DYNLRB1: variants seen among roughly 807,000 people sequenced by gnomAD.
DYNLRB1 encodes dynein light chain roadblock-type 1.
A neutral mutation model predicts 13.5 loss-of-function variants in DYNLRB1; 6 were observed. That is an observed-to-expected ratio of 0.44 (90% CI 0.24 to 0.88). The LOEUF (loss-of-function observed/expected upper bound fraction) is 0.88, where lower values mean the gene tolerates loss of function less well. Among genes scored for constraint, DYNLRB1 ranks in the 40% least tolerant of loss-of-function variants. The pLI, the probability that DYNLRB1 is intolerant of heterozygous loss-of-function variation, is 0.21. For missense variants in DYNLRB1, 93 were observed against 127.2 expected (o/e 0.73, Z 1.29); for synonymous variants, 43 against 45.0 (o/e 0.96, Z 0.18).
At chr20:34,534,566 T>C (rs917307776) in intron 2 of DYNLRB1, 62 bp from the exon 3 acceptor site, 1 of 1,510,668 alleles carries the variant, frequency 6.6e-7, no homozygotes, top group African/African-American at 1.4e-5. Context: ...ATTAGGGGTG[T>C]GGGTGGGAGC....
intron 2 of DYNLRB1, among the ~76,000 whole-genome samples, 156 bp from the exon 3 acceptor site, chr20:34,534,472 G>A (rs1368999580): frequency 1.3e-5 from 2 of 152,068 alleles, no homozygotes; most frequent in Non-Finnish European, 2.9e-5. Context: ...GGCATGCTTC[G>A]GGTGCTCAGC....
upstream of DYNLRB1, chr20:34,516,308 C>T: frequency 1.6e-6 from 2 of 1,266,150 alleles, no homozygotes; most frequent in South Asian, 1.6e-5. Flanking sequence ...AGAATCCTGG[C>T]GGAGCCAAGA....
Position 34,540,642 on chromosome 20 carries a change from C to G in DYNLRB1, c.*18C>G. ...CCGAATAAGCCACTCTCTTGGCTCC[C>G]TGTGTCATTCCTTAATTTAATGCCC... On this transcript the variant is annotated 3_prime_UTR_variant, in exon 4 of 4. Coordinates refer to ENST00000357156, the MANE Select transcript of DYNLRB1 (RefSeq NM_014183.4). 1.2e-6 allele frequency: 2 copies of G among 1,612,458 alleles called. No individual in the cohort carries two copies. Among genetic ancestry groups the G allele is most frequent in the Non-Finnish European group, 1.7e-6 (2 of 1,178,802 alleles).
rs1356824253 is a variant in DYNLRB1 at position 34,540,782 on chromosome 20, C to T, written c.*158C>T. 20 of 698,370 alleles carry T rather than the reference C, an allele frequency of 2.9e-5. No homozygotes were observed. The Admixed American group carries it at 4.0e-4, about 14-fold the overall frequency. The allele number at this position is 698,370 out of a possible 1,614,324, so 43.3% of individuals were successfully genotyped here. ...GCTGGCGGCTCTTCTCCCCCACCAACGGAACCCCTGTGTGCACCAACCTTC... is the reference window on the plus strand; with the variant it reads ...GCTGGCGGCTCTTCTCCCCCACCAATGGAACCCCTGTGTGCACCAACCTTC... On this transcript the variant is annotated 3_prime_UTR_variant, in exon 4 of 4. Transcript: ENST00000357156.
chr20:34,518,776 C>G (rs1209839873), intron 1 of DYNLRB1, among the ~76,000 whole-genome samples: 4 of 152,236 alleles, frequency 2.6e-5, no homozygotes, highest in Middle Eastern at 3.4e-3. Flanking sequence ...TGCATCTATA[C>G]AAGCACTTAT....
At chr20:34,517,285 A>G (rs889408218) in intron 1 of DYNLRB1, among the ~76,000 whole-genome samples, 2 of 152,214 alleles carry the variant, frequency 1.3e-5, no homozygotes, top group Admixed American at 1.3e-4. Context: ...GTCATCACCT[A>G]GAGGCAACCA....
chr20:34,540,214 T>C (rs1395056916), intron 3 of DYNLRB1, among the ~76,000 whole-genome samples: 1 of 152,194 alleles, frequency 6.6e-6, no homozygotes, highest in African/African-American at 2.4e-5. Context: ...GGATGCCTGC[T>C]AGCTTGACAA....
chr20:34,530,175 C>G, intron 2 of DYNLRB1: 1 of 1,182,850 alleles, frequency 8.5e-7, no homozygotes, highest in Non-Finnish European at 1.0e-6. Context: ...TGCCTTAAAA[C>G]TGCCCCTAAA....
In DYNLRB1 at chr20:34,536,452, A is replaced by G. The variant is rs111712827; in HGVS notation, c.247+1657A>G. On this transcript the variant is annotated intron_variant, in intron 3 of 3. Coordinates refer to ENST00000357156, the MANE Select transcript of DYNLRB1 (RefSeq NM_014183.4). ...GCAGAGGACAAAGCTTCACTCCCCA[A>G]AAGTCGGGCCGGGATGGAGCGCAGT... The G allele has an allele frequency of 4.7e-5, 46 of 985,410 alleles. No individual in the cohort carries two copies. The East Asian group carries it at 3.5e-3, about 75-fold the overall frequency. 61.0% of individuals were successfully genotyped at this position (985,410 alleles called of 1,614,324 possible).
chr20:34,536,995 G>A lies in DYNLRB1; in HGVS notation c.247+2200G>A, dbSNP rs115216819. ...GCCATTCAGGTCTCAACTTGGCAGC[G>A]GCAGCGTCTCCAATTTGGCCCTGAA... On this transcript the variant is annotated intron_variant, in intron 3 of 3. Transcript: ENST00000357156. Among the ~76,000 whole-genome samples, 1,192 of 152,218 alleles carry A rather than the reference G, an allele frequency of 7.8e-3. 17 individuals carry two copies. The highest frequency in any genetic ancestry group is 0.027 in the African/African-American group (1,126 of 41,532).
intron 2 of DYNLRB1, chr20:34,530,087 G>T: frequency 8.1e-7 from 1 of 1,238,900 alleles, no homozygotes; most frequent in Non-Finnish European, 1.0e-6. Flanking sequence ...ACTCCAAGGA[G>T]ACAACCCCAG....
chr20:34,530,015 T>C, intron 2 of DYNLRB1: 1 of 1,263,296 alleles, frequency 7.9e-7, no homozygotes. Flanking sequence ...CACTTCTTGC[T>C]CTAAGACCTG....
At chr20:34,530,246 T>G (rs1052015941) in intron 2 of DYNLRB1, 1 of 1,062,536 alleles carries the variant, frequency 9.4e-7, no homozygotes, top group Non-Finnish European at 1.1e-6. Context: ...TGAGTGCTGC[T>G]TTTTTGTATA....
intron 1 of DYNLRB1, among the ~76,000 whole-genome samples, chr20:34,522,830 C>G (rs1248073971): frequency 1.3e-5 from 2 of 152,316 alleles, no homozygotes; most frequent in East Asian, 3.9e-4. Flanking sequence ...AGTTTCAGAT[C>G]ACCTAAACCT....
intron 3 of DYNLRB1, among the ~76,000 whole-genome samples, chr20:34,539,939 A>T (rs1181261071): frequency 6.6e-6 from 1 of 152,102 alleles, no homozygotes; most frequent in East Asian, 1.9e-4. Flanking sequence ...CACTGTACTC[A>T]GCCTGGGTGA....
chr20:34,530,209 C>T (rs1980605806), intron 2 of DYNLRB1: 1 of 1,131,148 alleles, frequency 8.8e-7, no homozygotes. Context: ...ACTGGGAAGC[C>T]CTAGCTGCTT....
intron 3 of DYNLRB1, among the ~76,000 whole-genome samples, chr20:34,540,077 C>T (rs1981461788): frequency 6.6e-6 from 1 of 152,204 alleles, no homozygotes; most frequent in Admixed American, 6.5e-5. Context: ...TAACCTTAAG[C>T]CAGTGGTCCT....
At chr20:34,536,294 C>G (rs1183697400) in intron 3 of DYNLRB1, 8 of 985,254 alleles carry the variant, frequency 8.1e-6, no homozygotes, top group Non-Finnish European at 9.6e-6. Flanking sequence ...TGTAAAGTGT[C>G]GAGTAGGGGA....
chr20:34,524,047 T>C (rs1279074281), intron 1 of DYNLRB1, among the ~76,000 whole-genome samples: 3 of 152,222 alleles, frequency 2.0e-5, no homozygotes, highest in Non-Finnish European at 4.4e-5. Flanking sequence ...TCTGACAACA[T>C]TGAGTGTATC....
Sources: allele counts gnomAD v4.1 joint callset (sites outside exome capture counted in the v4.1 genomes callset), GRCh38; gene constraint gnomAD v4.1.1; transcripts MANE v1.5; gene names NCBI Gene and HGNC (gene_info 2026-07-23, HGNC 2026-07-21).